The following PSMD1 variants were observed in gnomAD, a reference collection of about 807,000 sequenced individuals.
PSMD1 encodes the protein proteasome 26S subunit, non-ATPase 1.
A neutral mutation model predicts 119.0 loss-of-function variants in PSMD1; 18 were observed. That is an observed-to-expected ratio of 0.15 (90% confidence interval 0.10 to 0.22). The LOEUF is 0.22. Ranked by LOEUF, PSMD1 falls within the 10% of genes least tolerant of loss-of-function variation. The pLI, the probability that PSMD1 is intolerant of heterozygous loss-of-function variation, is 1.00. For missense variants in PSMD1, 702 were observed against 1,158.5 expected (o/e 0.61, Z 5.72); for synonymous variants, 374 against 396.6 (o/e 0.94, Z 0.68).
chr2:231,145,775 C>A (rs1696237925), intron 17 of PSMD1, among the ~76,000 whole-genome samples: 1 of 151,512 alleles, frequency 6.6e-6, no homozygotes, highest in South Asian at 2.1e-4. Context: ...CACTTGTAAT[C>A]CCAGCTACTC....
chr2:231,124,204 C>T (rs549971639), intron 16 of PSMD1: 1 of 175,940 alleles, frequency 5.7e-6, no homozygotes, highest in South Asian at 1.2e-4. Context: ...ACTTCATAGC[C>T]CTTCCCTTCT....
At chr2:231,138,681 C>T in intron 16 of PSMD1, 55 bp from the exon 17 acceptor site, 1 of 1,334,326 alleles carries the variant, frequency 7.5e-7, no homozygotes, top group Non-Finnish European at 1.1e-6. Context: ...ACTCTTCTGT[C>T]TTAACTTAAA....
intron 16 of PSMD1, among the ~76,000 whole-genome samples, chr2:231,096,321 T>G (rs1355662781): frequency 6.6e-6 from 1 of 152,164 alleles, no homozygotes. Context: ...TTTTTGTTAT[T>G]TTTTTCTGTT....
At chr2:231,119,594 G>A (rs1250885461) in intron 16 of PSMD1, among the ~76,000 whole-genome samples, 1 of 152,124 alleles carries the variant, frequency 6.6e-6, no homozygotes, top group Non-Finnish European at 1.5e-5. Context: ...GTTATAGCCA[G>A]GTTTGGTGGC....
At chr2:231,108,224 C>T in intron 16 of PSMD1, 1 of 306,132 alleles carries the variant, frequency 3.3e-6, no homozygotes, top group South Asian at 4.1e-5. Flanking sequence ...TTTATGATGA[C>T]AGTGGTTCTT....
At chr2:231,135,095 C>G (rs1229106001) in intron 16 of PSMD1, among the ~76,000 whole-genome samples, 1 of 152,114 alleles carries the variant, frequency 6.6e-6, no homozygotes, top group Non-Finnish European at 1.5e-5. Context: ...TGGCAAAACA[C>G]TTGAGTGAGT....
At chr2:231,096,360 G>A (rs1205105476) in intron 16 of PSMD1, among the ~76,000 whole-genome samples, 1 of 152,098 alleles carries the variant, frequency 6.6e-6, no homozygotes, top group Non-Finnish European at 1.5e-5. Context: ...GATGGAGTCG[G>A]TAAGGTAGGT....
At position 231,080,326 on chromosome 2, in the gene PSMD1, A is replaced by G; in HGVS notation, c.1413+12A>G. The G allele has an allele frequency of 1.3e-6, 2 of 1,544,374 alleles. No individual in the cohort carries two copies. Among genetic ancestry groups the G allele is most frequent in the Non-Finnish European group, 1.8e-6 (2 of 1,138,268 alleles). On this transcript the variant is annotated intron_variant, in intron 12 of 24. Coordinates refer to ENST00000308696, the MANE Select transcript of PSMD1 (RefSeq NM_002807.4). ...ACGCCAGCAATGATGTAAGTATTAAAATGGAAAACTAAATTTCCAAAACTC... is the reference window on the plus strand; with the variant it reads ...ACGCCAGCAATGATGTAAGTATTAAGATGGAAAACTAAATTTCCAAAACTC...
intron 16 of PSMD1, among the ~76,000 whole-genome samples, chr2:231,120,800 G>C (rs1695514865): frequency 6.6e-6 from 1 of 152,132 alleles, no homozygotes. Flanking sequence ...TTTTATCATA[G>C]AACCAAGAAC....
At chr2:231,156,367 G>C (rs1574775000) in intron 19 of PSMD1, among the ~76,000 whole-genome samples, 1 of 152,130 alleles carries the variant, frequency 6.6e-6, no homozygotes, top group Non-Finnish European at 1.5e-5. Flanking sequence ...AAAGTCCCTA[G>C]TTTACATTAG....
intron 6 of PSMD1, among the ~76,000 whole-genome samples, 186 bp from the exon 7 acceptor site, chr2:231,072,003 A>C (rs1303167946): frequency 1.3e-5 from 2 of 152,208 alleles, no homozygotes; most frequent in African/African-American, 4.8e-5. Flanking sequence ...TATGGAAGAC[A>C]GATGCCATGT....
rs942504508 is a variant in PSMD1, at chr2:231,166,083, T to C, written c.2715+66T>C. 7.4e-5 allele frequency: 102 copies of C among 1,378,090 alleles called. 1 individual carries two copies. The highest frequency in any genetic ancestry group is 9.6e-5 in the Non-Finnish European group (98 of 1,024,828). 85.4% of individuals were successfully genotyped at this position (1,378,090 alleles called of 1,614,324 possible). ...TATTAATCCATAGGACAATAGAATATTGATAGAGAATGATAAATCTCCAAA... is the reference window on the plus strand; with the variant it reads ...TATTAATCCATAGGACAATAGAATACTGATAGAGAATGATAAATCTCCAAA... On this transcript the variant is annotated intron_variant, in intron 23 of 24. Coordinates refer to ENST00000308696, the MANE Select transcript of PSMD1 (RefSeq NM_002807.4).
intron 18 of PSMD1, among the ~76,000 whole-genome samples, chr2:231,150,812 A>T (rs1421165413): frequency 5.9e-5 from 9 of 152,304 alleles, no homozygotes; most frequent in South Asian, 2.1e-4. Context: ...AGACAAAAAA[A>T]ACACCTCCAA....
chr2:231,108,313 C>T, intron 16 of PSMD1: 1 of 527,278 alleles, frequency 1.9e-6, no homozygotes, highest in South Asian at 2.6e-5. Flanking sequence ...GGATTGTTTT[C>T]ATTTGTAGCT....
chr2:231,131,013 T>C (rs1695840971), intron 16 of PSMD1, among the ~76,000 whole-genome samples: 1 of 152,238 alleles, frequency 6.6e-6, no homozygotes, highest in Admixed American at 6.5e-5. Flanking sequence ...TCTTTTAACC[T>C]GTAGGTTCTC....
At chr2:231,065,512 G>C (rs1352636739) in intron 4 of PSMD1, among the ~76,000 whole-genome samples, 2 of 150,948 alleles carry the variant, frequency 1.3e-5, no homozygotes, top group African/African-American at 4.9e-5. Flanking sequence ...TGTTAGCCAG[G>C]ATGATCTCGA....
chr2:231,078,767 T>C lies in PSMD1; in HGVS notation c.1160+20T>C. Reference sequence around the variant, plus strand: ...TCTTAGGTAAATATGCTTGTTGATTTTCACTTTGGTTCAAAATCTTTTTCT... The same window carrying C: ...TCTTAGGTAAATATGCTTGTTGATTCTCACTTTGGTTCAAAATCTTTTTCT... On this transcript the variant is annotated intron_variant, in intron 10 of 24. Transcript: ENST00000308696. The C allele has an allele frequency of 6.9e-7, 1 of 1,457,954 alleles. No homozygotes were observed. Among genetic ancestry groups the C allele is most frequent in the East Asian group, 2.3e-5 (1 of 42,992 alleles). 90.3% of individuals were successfully genotyped at this position (1,457,954 alleles called of 1,614,324 possible).
chr2:231,159,105 A>C (rs1006507820), intron 19 of PSMD1, among the ~76,000 whole-genome samples: 2 of 152,220 alleles, frequency 1.3e-5, no homozygotes, highest in African/African-American at 4.8e-5. Flanking sequence ...GAAGATGCCT[A>C]TAAAACACTG....
At chr2:231,099,861 G>T (rs1000420023) in intron 16 of PSMD1, among the ~76,000 whole-genome samples, 1 of 152,170 alleles carries the variant, frequency 6.6e-6, no homozygotes, top group Non-Finnish European at 1.5e-5. Context: ...CCCCCTTGCG[G>T]CTTTCTTACC....
Sources: gnomAD v4.1 joint callset for allele counts (sites outside exome capture counted in the v4.1 genomes callset) on GRCh38, gnomAD v4.1.1 for gene constraint, MANE v1.5 for transcripts, NCBI Gene and HGNC (gene_info 2026-07-23, HGNC 2026-07-21) for gene names.